SORCS1: variants seen among roughly 807,000 people sequenced by gnomAD.
The protein encoded by SORCS1 is sortilin related VPS10 domain containing receptor 1.
Under a neutral mutation model 146.1 loss-of-function variants are expected in SORCS1, and 60 were observed. The ratio of observed to expected loss-of-function variants is 0.41; its 90% CI spans 0.33 to 0.51. The LOEUF is 0.51. Ranked by LOEUF, SORCS1 falls within the 20% of genes least tolerant of loss-of-function variation. The pLI is 0.21. For missense variants in SORCS1, 1,352 were observed against 1,487.6 expected (o/e 0.91, Z 1.50); for synonymous variants, 637 against 584.0 (o/e 1.09, Z -1.31).
chr10:106,932,047 A>G (rs1953448323), intron 2 of SORCS1, among the ~76,000 whole-genome samples: 1 of 152,084 alleles, frequency 6.6e-6, no homozygotes, highest in Admixed American at 6.6e-5. Context: ...GGGTTTGGGG[A>G]CGTTGACAGT....
At chr10:106,866,475 G>T (rs950627244) in intron 2 of SORCS1, among the ~76,000 whole-genome samples, 1 of 152,164 alleles carries the variant, frequency 6.6e-6, no homozygotes, top group South Asian at 2.1e-4. Flanking sequence ...CACTACTAAG[G>T]TCTCTTCCTC....
At chr10:106,730,918 C>T (rs907914623) in intron 5 of SORCS1, among the ~76,000 whole-genome samples, 4 of 152,106 alleles carry the variant, frequency 2.6e-5, no homozygotes, top group African/African-American at 7.2e-5. Flanking sequence ...CATTTCTACA[C>T]AGAAAACAGC....
At chr10:106,972,323 G>A (rs1243470646) in intron 1 of SORCS1, among the ~76,000 whole-genome samples, 1 of 149,614 alleles carries the variant, frequency 6.7e-6, no homozygotes, top group Non-Finnish European at 1.5e-5. Flanking sequence ...AGAGGTTGCA[G>A]TGAGCTGTGA....
In SORCS1 at chr10:106,977,860, T is replaced by C. The variant is rs74152286; in HGVS notation, c.559-21280A>G. Among the ~76,000 whole-genome samples the C allele has an allele frequency of 5.6e-3, 854 of 152,366 alleles. 12 individuals carry two copies. The highest frequency in any genetic ancestry group is 0.02 in the African/African-American group (814 of 41,578). ...AATCATAAATGTCTACTAAATATCA[T>C]AAAGAATGTTGAACTGCAAATTGCT... On this transcript the variant is annotated intron_variant, in intron 1 of 25. Coordinates refer to ENST00000263054, the MANE Select transcript of SORCS1 (RefSeq NM_052918.5).
chr10:106,718,618 A>G (rs560424802), intron 6 of SORCS1, among the ~76,000 whole-genome samples: 50 of 152,374 alleles, frequency 3.3e-4, no homozygotes, highest in African/African-American at 1.2e-3. Context: ...CACAGCATGG[A>G]AGGGAACCCG....
intron 2 of SORCS1, among the ~76,000 whole-genome samples, chr10:106,833,371 C>T (rs928228002): frequency 1.3e-5 from 2 of 152,090 alleles, no homozygotes; most frequent in African/African-American, 2.4e-5. Flanking sequence ...TACAGATCAG[C>T]GGTTGTCCAA....
At chr10:106,633,882 C>T (rs1447419053) in intron 18 of SORCS1, among the ~76,000 whole-genome samples, 1 of 152,182 alleles carries the variant, frequency 6.6e-6, no homozygotes, top group Non-Finnish European at 1.5e-5. Context: ...CCCAGTCCTG[C>T]TGCAGTCTGA....
At chr10:106,810,212 C>T (rs963474227) in intron 3 of SORCS1, among the ~76,000 whole-genome samples, 6 of 151,926 alleles carry the variant, frequency 3.9e-5, no homozygotes, top group Non-Finnish European at 8.8e-5. Context: ...CACAGTGAGA[C>T]TCCGTCTCAG....
intron 1 of SORCS1, among the ~76,000 whole-genome samples, chr10:107,042,144 G>C (rs1490458971): frequency 1.3e-5 from 2 of 152,156 alleles, no homozygotes; most frequent in African/African-American, 4.8e-5. Context: ...AATAAAAGGT[G>C]ATGACAAATC....
intron 2 of SORCS1, among the ~76,000 whole-genome samples, chr10:106,938,470 C>T (rs945297324): frequency 2.0e-5 from 3 of 152,240 alleles, no homozygotes; most frequent in African/African-American, 4.8e-5. Flanking sequence ...CAGGCCACCA[C>T]GCTAGCTAGT....
At chr10:106,896,889 G>GTTTTTT (rs869027396) in intron 2 of SORCS1, among the ~76,000 whole-genome samples, 6 of 119,882 alleles carry the variant, frequency 5.0e-5, no homozygotes, top group African/African-American at 1.7e-4. Context: ...ACCAAATACT[G>GTTTTTT]TTTTTTTTTT....
intron 2 of SORCS1, among the ~76,000 whole-genome samples, chr10:106,835,005 T>G (rs1217662958): frequency 6.6e-6 from 1 of 152,262 alleles, no homozygotes; most frequent in Non-Finnish European, 1.5e-5. Flanking sequence ...TTTACAAATA[T>G]ATCTTAGTAG....
intron 2 of SORCS1, among the ~76,000 whole-genome samples, chr10:106,877,338 T>A (rs1950626397): frequency 6.6e-6 from 1 of 151,966 alleles, no homozygotes; most frequent in Non-Finnish European, 1.5e-5. Context: ...TTCCTAGCAG[T>A]TTGGGAGGTC....
rs534040764 is a variant in SORCS1, at chr10:106,700,705, T to C, written c.1234-1312A>G. ...CAGCATTTCAGCTCTGACTCTCCTC[T>C]AGACGTGTAGGAACAAGACTCCCTA... is the stretch of plus-strand genomic sequence containing the variant. On this transcript the variant is annotated intron_variant, in intron 8 of 25. Coordinates refer to ENST00000263054, the MANE Select transcript of SORCS1 (RefSeq NM_052918.5). 7.2e-5 allele frequency among the ~76,000 whole-genome samples: 11 copies of C among 152,292 alleles called. No homozygotes were observed. The South Asian group carries it at 2.3e-3, about 32-fold the overall frequency.
chr10:107,010,731 G>T (rs1326458895), intron 1 of SORCS1, among the ~76,000 whole-genome samples: 1 of 152,158 alleles, frequency 6.6e-6, no homozygotes, highest in African/African-American at 2.4e-5. Context: ...ATAAGTTGGC[G>T]GTCCCCTTCC....
chr10:106,899,717 T>C lies in SORCS1; in HGVS notation c.626+56796A>G, dbSNP rs571743751. On this transcript the variant is annotated intron_variant, in intron 2 of 25. Coordinates refer to ENST00000263054, the MANE Select transcript of SORCS1 (RefSeq NM_052918.5). Reference sequence around the variant, plus strand: ...CCCTCGAAGATCTTTCTGTGTAGAGTCTTTTAATGACTCCCAAGGGCTTTC... The same window carrying C: ...CCCTCGAAGATCTTTCTGTGTAGAGCCTTTTAATGACTCCCAAGGGCTTTC... Among the ~76,000 whole-genome samples the C allele has an allele frequency of 3.1e-4, 47 of 151,024 alleles. 1 individual carries two copies. The Middle Eastern group carries it at 0.017, about 55-fold the overall frequency.
intron 1 of SORCS1, among the ~76,000 whole-genome samples, chr10:107,149,339 C>A (rs538863982): frequency 6.6e-6 from 1 of 152,138 alleles, no homozygotes; most frequent in Non-Finnish European, 1.5e-5. Flanking sequence ...TTGGATAACA[C>A]TGGAGTGGAA....
At chr10:106,814,436 A>T (rs1947629081) in intron 3 of SORCS1, among the ~76,000 whole-genome samples, 1 of 152,208 alleles carries the variant, frequency 6.6e-6, no homozygotes, top group African/African-American at 2.4e-5. Flanking sequence ...AAGAACATAG[A>T]CCAGAAATGC....
In SORCS1 at chr10:106,836,474, C is replaced by CAA. The variant is rs68181690; in HGVS notation, c.627-6803_627-6802dup. The stretch of plus-strand genomic sequence containing the variant: ...TGGGCGATAGAGCGAGACTCGGTCT[C>CAA]AAAAAAAAAAAAAAAAAAAAGATCT... On this transcript the variant is annotated intron_variant, in intron 2 of 25. Coordinates refer to ENST00000263054, the MANE Select transcript of SORCS1 (RefSeq NM_052918.5). 2.1e-3 allele frequency among the ~76,000 whole-genome samples: 159 copies of CAA among 77,552 alleles called. 2 individuals carry two copies. The highest frequency in any genetic ancestry group is 0.017 in the South Asian group (33 of 1,914). The allele number at this position is 77,552 out of a possible 152,430, so 50.9% of individuals were successfully genotyped here. A position where few individuals can be genotyped will look rare whatever the true frequency, so the allele number is the denominator to read the frequency against.
Sources: gnomAD v4.1 joint callset for allele counts (sites outside exome capture counted in the v4.1 genomes callset) on GRCh38, gnomAD v4.1.1 for gene constraint, MANE v1.5 for transcripts, NCBI Gene and HGNC (gene_info 2026-07-23, HGNC 2026-07-21) for gene names.